Variants in PLIN3 observed in about 807,000 individuals in gnomAD.
PLIN3 encodes the protein perilipin-3.
In PLIN3, 30 loss-of-function variants were observed where a neutral mutation model predicts 35.9. The ratio of observed to expected loss-of-function variants is 0.84; its 90% CI spans 0.62 to 1.13. PLIN3 has a LOEUF of 1.13. PLIN3 is among the 50% of genes most tolerant of loss of function. The pLI is 0.00. For synonymous variants in PLIN3, 261 were observed against 262.5 expected (o/e 0.99, Z 0.06); for missense variants, 603 against 596.9 (o/e 1.01, Z -0.11).
Position 4,847,801 on chromosome 19 carries a change from G to C in PLIN3, c.724C>G (p.Leu242Val). 1 of 1,613,844 alleles carries C rather than the reference G, an allele frequency of 6.2e-7. No individual in the cohort carries two copies. Among genetic ancestry groups the C allele is most frequent in the South Asian group, 1.1e-5 (1 of 91,056 alleles). The change falls in exon 6 of 8, where the codon CTG becomes GTG. Residue 242 changes from leucine (L) to valine (V), a missense_variant. By Grantham distance (32) the Leu-to-Val change is conservative (BLOSUM62 1). Transcript: ENST00000221957. Reference protein sequence around the residue: ...EQSYFVRLGSLSERLRQHAYE... With the variant: ...EQSYFVRLGSVSERLRQHAYE... ...GCGTGCTGCCGCAGCCTCTCCGACA[G>C]GGAGCCCAGACGTACGAAGTAGCTC...
At chr19:4,859,105 A>G (rs1339322132) in intron 4 of PLIN3, among the ~76,000 whole-genome samples, 1 of 152,118 alleles carries the variant, frequency 6.6e-6, no homozygotes, top group Non-Finnish European at 1.5e-5. Flanking sequence ...CGTAACTAAG[A>G]TTTTCAGTAC....
chr19:4,852,749 TC>T (rs1280172221), intron 4 of PLIN3, among the ~76,000 whole-genome samples: 2 of 152,044 alleles, frequency 1.3e-5, no homozygotes, highest in African/African-American at 2.4e-5. Flanking sequence ...CAAGCAGTTC[TC>T]CTGCCTCAGC....
chr19:4,851,760 G>A (rs991699594), intron 5 of PLIN3, among the ~76,000 whole-genome samples: 9 of 152,080 alleles, frequency 5.9e-5, no homozygotes, highest in African/African-American at 2.2e-4. Flanking sequence ...GCTGTGGGCA[G>A]AGGGACGGGT....
chr19:4,841,243 A>T (rs1427392817), intron 7 of PLIN3, among the ~76,000 whole-genome samples: 1 of 152,166 alleles, frequency 6.6e-6, no homozygotes, highest in Non-Finnish European at 1.5e-5. Context: ...GGTGAACAGA[A>T]TGTGATCCAC....
intron 4 of PLIN3, among the ~76,000 whole-genome samples, chr19:4,853,931 C>CTTTTT (rs60685106): frequency 3.5e-5 from 5 of 142,450 alleles, no homozygotes; most frequent in African/African-American, 2.6e-5. Flanking sequence ...GAATCTAAGT[C>CTTTTT]TTTTTTTTTT....
rs262565 is a variant in PLIN3, at chr19:4,864,131, G to A, written c.-17-2720C>T. Among the ~76,000 whole-genome samples, 176 of 140,818 alleles carry A rather than the reference G, an allele frequency of 1.2e-3. 4 individuals carry two copies. The highest frequency in any genetic ancestry group is 6.6e-3 in the Admixed American group (92 of 13,922). The allele number at this position is 140,818 out of a possible 152,430, so 92.4% of individuals were successfully genotyped here. A position where few individuals can be genotyped will look rare whatever the true frequency, so the allele number is the denominator to read the frequency against. On this transcript the variant is annotated intron_variant, in intron 1 of 7. Coordinates refer to ENST00000221957, the MANE Select transcript of PLIN3 (RefSeq NM_005817.5). ...TGTGTGTGTGTGTGTGTGTGTGTGTGTGTGTGTGTGTGTGTGTGTGGTTTT... is the reference window on the plus strand; with the variant it reads ...TGTGTGTGTGTGTGTGTGTGTGTGTATGTGTGTGTGTGTGTGTGTGGTTTT...
intron 5 of PLIN3, among the ~76,000 whole-genome samples, chr19:4,849,588 G>A (rs943387364): frequency 3.9e-5 from 6 of 151,900 alleles, no homozygotes; most frequent in South Asian, 2.1e-4. Flanking sequence ...GAGCCACCAC[G>A]CCTGGCCTCA....
intron 7 of PLIN3, among the ~76,000 whole-genome samples, chr19:4,843,193 G>C (rs543528047): frequency 3.8e-4 from 57 of 150,316 alleles, no homozygotes; most frequent in African/African-American, 1.4e-3. Flanking sequence ...CTGCACTCCA[G>C]CCTGGGCAAC....
chr19:4,850,148 G>C (rs1386148336), intron 5 of PLIN3, among the ~76,000 whole-genome samples: 9 of 151,780 alleles, frequency 5.9e-5, no homozygotes, highest in Admixed American at 5.3e-4. Flanking sequence ...GTTTCTTTAT[G>C]TTGGTCAGGC....
intron 2 of PLIN3, 144 bp from the exon 3 acceptor site, chr19:4,860,168 A>G (rs2030627032): frequency 5.9e-6 from 4 of 683,078 alleles, no homozygotes. Flanking sequence ...AGGCAGTTGC[A>G]CAAGCCAGGA....
intron 5 of PLIN3, 108 bp downstream of exon 5, chr19:4,851,907 CA>C: frequency 8.6e-7 from 1 of 1,165,932 alleles, no homozygotes; most frequent in Non-Finnish European, 1.2e-6. Context: ...GGAGAAGTGG[CA>C]GGGACGAGGC....
intron 1 of PLIN3, 50 bp from the exon 2 acceptor site, chr19:4,861,461 G>C: frequency 1.4e-6 from 2 of 1,380,446 alleles, no homozygotes; most frequent in Non-Finnish European, 2.0e-6. Flanking sequence ...CCACCTTCCA[G>C]GAGAAAGTCC....
intron 5 of PLIN3, among the ~76,000 whole-genome samples, chr19:4,848,873 AAG>A (rs1324564201): frequency 5.9e-5 from 9 of 152,180 alleles, no homozygotes; most frequent in Non-Finnish European, 1.3e-4. Flanking sequence ...TCAAAAAAAA[AAG>A]AGAATAATGA....
In PLIN3 at chr19:4,852,128, T is replaced by A; in HGVS notation, c.522A>T (p.Gln174His). Residue 174 changes from glutamine to histidine, a missense_variant, in exon 5 of 8, where the codon CAA (glutamine) becomes CAT (histidine). Coordinates refer to ENST00000221957, the MANE Select transcript of PLIN3 (RefSeq NM_005817.5). The stretch of plus-strand genomic sequence containing the variant: ...GGCCCAAGCGGGAGCCCATGACCGA[T>A]TGGACGCCGCCGGTCACTACGGACT... ...KTKSVVTGGV[Q>H]SVMGSRLGQM... 6.2e-7 allele frequency: 1 copy of A among 1,614,076 alleles called. No individual in the cohort carries two copies.
At chr19:4,842,809 G>A (rs2029937936) in intron 7 of PLIN3, among the ~76,000 whole-genome samples, 1 of 152,074 alleles carries the variant, frequency 6.6e-6, no homozygotes, top group Non-Finnish European at 1.5e-5. Context: ...GCAGCAGGTG[G>A]TCTAGTTCTG....
At chr19:4,860,872 G>A (rs1039372089) in intron 2 of PLIN3, among the ~76,000 whole-genome samples, 4 of 152,146 alleles carry the variant, frequency 2.6e-5, no homozygotes, top group African/African-American at 9.7e-5. Context: ...TTGGGAGGCT[G>A]AGGCAGGAGA....
intron 7 of PLIN3, among the ~76,000 whole-genome samples, chr19:4,841,622 T>C (rs1434386218): frequency 3.4e-5 from 5 of 145,324 alleles, no homozygotes; most frequent in African/African-American, 1.3e-4. Context: ...AAAAAAAGGC[T>C]GGGTGCGGTG....
intron 5 of PLIN3, among the ~76,000 whole-genome samples, chr19:4,851,643 G>A (rs1029843368): frequency 6.6e-6 from 1 of 151,994 alleles, no homozygotes; most frequent in Non-Finnish European, 1.5e-5. Context: ...AGTGGCGAAG[G>A]GGGAAGAGGA....
rs746895006 is a variant in PLIN3, at chr19:4,852,154, T to C, written c.496A>G (p.Lys166Glu). Residue 166 changes from lysine (K) to glutamate (E), a missense_variant, in exon 5 of 8, where the codon AAG (lysine) becomes GAG (glutamate). Physicochemically the swap from Lys to Glu is moderately conservative, Grantham distance 56. Coordinates refer to ENST00000221957, the MANE Select transcript of PLIN3 (RefSeq NM_005817.5). ...TGGACGCCGCCGGTCACTACGGACTTTGTCTTGTCCACGCCGCTCTGCACA... is the reference window on the plus strand; with the variant it reads ...TGGACGCCGCCGGTCACTACGGACTCTGTCTTGTCCACGCCGCTCTGCACA... Reference protein sequence around the residue: ...GAVQSGVDKTKSVVTGGVQSV... With the variant: ...GAVQSGVDKTESVVTGGVQSV... 4 of 1,614,006 alleles carry C rather than the reference T, an allele frequency of 2.5e-6. No individual in the cohort carries two copies. Among genetic ancestry groups the C allele is most frequent in the Middle Eastern group, 1.6e-4 (1 of 6,062 alleles).
Sources: gnomAD v4.1 joint callset for allele counts (sites outside exome capture counted in the v4.1 genomes callset) on GRCh38, gnomAD v4.1.1 for gene constraint, MANE v1.5 for transcripts, NCBI Gene and HGNC (gene_info 2026-07-23, HGNC 2026-07-21) for gene names.